SLC8A1: variants seen among roughly 807,000 people sequenced by gnomAD.
SLC8A1 encodes the protein solute carrier family 8 member A1, also known as sodium/calcium exchanger 1.
SLC8A1 carries 18 observed loss-of-function variants against 68.3 expected under a neutral mutation model. The observed-to-expected ratio is 0.26, with a 90% confidence interval of 0.18 to 0.39. The LOEUF (loss-of-function observed/expected upper bound fraction) is 0.39, where lower values mean the gene tolerates loss of function less well. SLC8A1 is among the 10% of genes least tolerant of loss of function. The probability of loss-of-function intolerance (pLI) is 1.00; values close to 1 mark genes in which losing one functional copy is unlikely to be tolerated. For missense variants in SLC8A1, 985 were observed against 1,156.7 expected (o/e 0.85, Z 2.15); for synonymous variants, 475 against 415.5 (o/e 1.14, Z -1.74).
intron 2 of SLC8A1, among the ~76,000 whole-genome samples, chr2:40,379,485 T>A (rs1681007577): frequency 6.6e-6 from 1 of 152,124 alleles, no homozygotes; most frequent in Non-Finnish European, 1.5e-5. Flanking sequence ...ATCCCACTTA[T>A]AAGCATGGCA....
At chr2:40,136,541 C>T (rs2040527330) in intron 7 of SLC8A1, among the ~76,000 whole-genome samples, 1 of 152,108 alleles carries the variant, frequency 6.6e-6, no homozygotes, top group Non-Finnish European at 1.5e-5. Context: ...GAATATCAGA[C>T]ACTAGGAAAG....
At chr2:40,150,051 T>TTA (rs767609519) in intron 6 of SLC8A1, among the ~76,000 whole-genome samples, 3 of 121,742 alleles carry the variant, frequency 2.5e-5, no homozygotes, top group Admixed American at 8.9e-5. Flanking sequence ...TCTTATTTGT[T>TTA]AAAAAAAAAA....
intron 2 of SLC8A1, among the ~76,000 whole-genome samples, chr2:40,198,781 A>C (rs1219302711): frequency 6.6e-6 from 1 of 151,866 alleles, no homozygotes; most frequent in Non-Finnish European, 1.5e-5. Context: ...AGTGACTCCA[A>C]AATGTGGTTT....
At chr2:40,235,005 T>C (rs1178500196) in intron 2 of SLC8A1, among the ~76,000 whole-genome samples, 3 of 152,202 alleles carry the variant, frequency 2.0e-5, no homozygotes, top group Admixed American at 1.3e-4. Flanking sequence ...GTTTTGCCAG[T>C]ATTTTATTGA....
At chr2:40,191,751 T>G (rs2051895067) in intron 2 of SLC8A1, among the ~76,000 whole-genome samples, 1 of 152,186 alleles carries the variant, frequency 6.6e-6, no homozygotes, top group South Asian at 2.1e-4. Context: ...AATCTGTAAG[T>G]AAGCTTTGAA....
rs189211269 is a variant in SLC8A1 at position 40,146,629 on chromosome 2, G to A, written c.2162-6953C>T. Among the ~76,000 whole-genome samples the A allele has an allele frequency of 1.2e-4, 16 of 132,772 alleles. No individual in the cohort carries two copies. In the East Asian group the frequency reaches 3.2e-3, roughly 26 times the overall value. 87.1% of individuals were successfully genotyped at this position (132,772 alleles called of 152,430 possible). A position where few individuals can be genotyped will look rare whatever the true frequency, so the allele number is the denominator to read the frequency against. On this transcript the variant is annotated intron_variant, in intron 6 of 7. Transcript: ENST00000406785. ...TGCAACTAGATGGTCCCATCTTTGG[G>A]GGATGGGAGGCAGTGAAAGATCGTC...
At chr2:40,477,356 A>C (rs1704352818) in intron 1 of SLC8A1, among the ~76,000 whole-genome samples, 1 of 152,176 alleles carries the variant, frequency 6.6e-6, no homozygotes, top group Non-Finnish European at 1.5e-5. Flanking sequence ...CATGTGAGTA[A>C]ATCAGTTCAA....
intron 2 of SLC8A1, among the ~76,000 whole-genome samples, chr2:40,225,626 G>T (rs747659981): frequency 6.6e-6 from 1 of 152,124 alleles, no homozygotes; most frequent in Non-Finnish European, 1.5e-5. Context: ...ATGGAAATCA[G>T]GTTAAAACAA....
intron 2 of SLC8A1, among the ~76,000 whole-genome samples, chr2:40,252,107 C>T (rs1026824558): frequency 1.3e-5 from 2 of 152,066 alleles, no homozygotes; most frequent in African/African-American, 4.8e-5. Context: ...ATTATTTTCC[C>T]TCTTTTAATT....
rs116540983 is a variant in SLC8A1, at chr2:40,184,533, A to C, written c.1809-6678T>G. Among the ~76,000 whole-genome samples the C allele has an allele frequency of 5.1e-3, 777 of 152,312 alleles. 3 individuals are homozygous for C. Among genetic ancestry groups the C allele is most frequent in the African/African-American group, 0.017 (720 of 41,578 alleles). On this transcript the variant is annotated intron_variant, in intron 2 of 7. Coordinates refer to ENST00000406785, the Ensembl canonical transcript of SLC8A1. ...CAGGCATCAGCGTTTACACTCATGC[A>C]CAGTGATTTCCTTCTCAAGAAAGTG...
intron 2 of SLC8A1, among the ~76,000 whole-genome samples, chr2:40,286,887 C>A (rs890353756): frequency 1.3e-5 from 2 of 152,180 alleles, no homozygotes; most frequent in South Asian, 4.1e-4. Context: ...CACCTGTATT[C>A]GTCCTTGCAC....
At chr2:40,281,998 T>C (rs1374879058) in intron 2 of SLC8A1, among the ~76,000 whole-genome samples, 4 of 152,142 alleles carry the variant, frequency 2.6e-5, no homozygotes, top group Admixed American at 2.0e-4. Context: ...AGTATAACAG[T>C]GGATTAGCTA....
chr2:40,260,350 G>A (rs894513992), intron 2 of SLC8A1, among the ~76,000 whole-genome samples: 1 of 152,168 alleles, frequency 6.6e-6, no homozygotes, highest in Non-Finnish European at 1.5e-5. Context: ...TAGAAGATAG[G>A]TCTGTGGTCT....
chr2:40,419,793 TTG>T (rs917479794), intron 2 of SLC8A1, among the ~76,000 whole-genome samples: 7 of 152,122 alleles, frequency 4.6e-5, no homozygotes, highest in African/African-American at 1.7e-4. Context: ...CCTTTAATAA[TTG>T]TGTGTATATG....
intron 2 of SLC8A1, among the ~76,000 whole-genome samples, chr2:40,357,455 C>T (rs1174392441): frequency 6.7e-6 from 1 of 148,356 alleles, no homozygotes; most frequent in African/African-American, 2.5e-5. Context: ...TATGATCATG[C>T]CACTGCATGC....
intron 2 of SLC8A1, among the ~76,000 whole-genome samples, chr2:40,391,139 T>A (rs1685106425): frequency 2.0e-5 from 3 of 148,836 alleles, no homozygotes; most frequent in Admixed American, 1.3e-4. Flanking sequence ...CTATTCTCCT[T>A]AAAATATATA....
intron 2 of SLC8A1, among the ~76,000 whole-genome samples, chr2:40,263,741 A>C (rs2065005286): frequency 6.6e-6 from 1 of 152,156 alleles, no homozygotes; most frequent in Admixed American, 6.6e-5. Flanking sequence ...AAAACCATAA[A>C]AACCCTAGGA....
At chr2:40,123,874 C>T (rs1477374283) in intron 7 of SLC8A1, among the ~76,000 whole-genome samples, 1 of 152,192 alleles carries the variant, frequency 6.6e-6, no homozygotes, top group Non-Finnish European at 1.5e-5. Flanking sequence ...CTGAAACTAA[C>T]TTCCTGCTTA....
intron 2 of SLC8A1, among the ~76,000 whole-genome samples, chr2:40,356,603 A>C (rs1288963638): frequency 8.4e-6 from 1 of 118,844 alleles, no homozygotes; most frequent in Non-Finnish European, 2.1e-5. Flanking sequence ...CAAGATACCA[A>C]GAAAAAAAAA....
Sources: gnomAD v4.1 joint callset for allele counts (sites outside exome capture counted in the v4.1 genomes callset) on GRCh38, gnomAD v4.1.1 for gene constraint, MANE v1.5 for transcripts, NCBI Gene and HGNC (gene_info 2026-07-23, HGNC 2026-07-21) for gene names.